DMKN: variants seen among roughly 807,000 people sequenced by gnomAD.
DMKN encodes the protein dermokine.
In DMKN, 58 loss-of-function variants were observed where a neutral mutation model predicts 67.6. The ratio of observed to expected loss-of-function variants is 0.86; its 90% CI spans 0.69 to 1.07. The LOEUF is 1.07. Ranked by LOEUF, DMKN falls within the 50% of genes least tolerant of loss-of-function variation. The pLI is 0.00. For synonymous variants in DMKN, 240 were observed against 232.3 expected, an observed-to-expected ratio of 1.03 and a Z score of -0.30; for missense variants, 596 against 601.5, an observed-to-expected ratio of 0.99 and a Z score of 0.10.
In DMKN at chr19:35,511,510, G is replaced by GCTGCTGCCACTGCTGCTGCCA. The variant is rs1555800284; in HGVS notation, c.818_819insTGGCAGCAGCAGTGGCAGCAG (p.Ser273_Ser274insGlySerSerSerGlySerSer). The GCTGCTGCCACTGCTGCTGCCA allele has an allele frequency of 5.5e-6, 6 of 1,098,052 alleles. No homozygotes were observed. The African/African-American group carries it at 5.6e-5, about 10-fold the overall frequency. 68.0% of individuals were successfully genotyped at this position (1,098,052 alleles called of 1,614,324 possible). A position where few individuals can be genotyped will look rare whatever the true frequency, so the allele number is the denominator to read the frequency against. On this transcript the variant is annotated inframe_insertion, in exon 5 of 16. Transcript: ENST00000339686. Reference sequence around the variant, plus strand: ...TGCTGCCGCCACTGCTGCTGCCACTGCTGCTGCCACCACTGCTGCTGCCAT... The same window carrying GCTGCTGCCACTGCTGCTGCCA: ...TGCTGCCGCCACTGCTGCTGCCACTGCTGCTGCCACTGCTGCTGCCACTGCTGCCACCACTGCTGCTGCCAT...
At chr19:35,504,134 C>G (rs1349799373) in intron 9 of DMKN, among the ~76,000 whole-genome samples, 1 of 152,130 alleles carries the variant, frequency 6.6e-6, no homozygotes, top group Non-Finnish European at 1.5e-5. Flanking sequence ...TGCGATCACT[C>G]CCTCGACTGC....
intron 13 of DMKN, among the ~76,000 whole-genome samples, chr19:35,499,665 A>G (rs937447572): frequency 3.9e-5 from 6 of 151,984 alleles, no homozygotes; most frequent in Admixed American, 6.5e-5. Context: ...TTTAAAGCCT[A>G]TATTCTTCTT....
rs149055199 is a variant in DMKN, at chr19:35,504,503, A to G, written c.1134+1215T>C. On this transcript the variant is annotated intron_variant, in intron 9 of 15. Transcript: ENST00000339686. ...GAGGCAGGAGAATCATTTTGAACCC[A>G]GGAGGCAGAGGCTGCATTGAGCTGA... 7.9e-4 allele frequency among the ~76,000 whole-genome samples: 119 copies of G among 149,732 alleles called. 3 individuals carry two copies. In the East Asian group the frequency reaches 0.023, roughly 29 times the overall value.
chr19:35,507,416 A>C, intron 7 of DMKN: 1 of 1,526,836 alleles, frequency 6.5e-7, no homozygotes, highest in Non-Finnish European at 8.9e-7. Context: ...ATGCTTCACC[A>C]TCCCTTCTCC....
At chr19:35,510,093 G>A (rs1439349004) in intron 6 of DMKN, 91 bp downstream of exon 6, 2 of 1,564,574 alleles carry the variant, frequency 1.3e-6, no homozygotes, top group Admixed American at 1.8e-5. Context: ...CCCCATCTCC[G>A]CGGAGCCTTG....
chr19:35,498,993 G>A, intron 13 of DMKN, 96 bp from the exon 14 acceptor site: 1 of 1,576,320 alleles, frequency 6.3e-7, no homozygotes, highest in Non-Finnish European at 8.7e-7. Context: ...GCAAGGGCAG[G>A]CTCACACCAG....
intron 15 of DMKN, 134 bp downstream of exon 15, chr19:35,498,582 C>T (rs943647343): frequency 2.1e-5 from 26 of 1,239,672 alleles, no homozygotes; most frequent in African/African-American, 1.1e-4. Context: ...CTTTAGAGCA[C>T]GCACCCAGAG....
At chr19:35,506,167 C>T (rs1444494317) in intron 7 of DMKN, 181 bp from the exon 8 acceptor site, 1 of 1,533,732 alleles carries the variant, frequency 6.5e-7, no homozygotes. Flanking sequence ...CCTCCACTGC[C>T]CCAGCTCGAC....
At chr19:35,507,622 C>T in intron 7 of DMKN, 2 of 910,302 alleles carry the variant, frequency 2.2e-6, no homozygotes, top group Non-Finnish European at 3.5e-6. Context: ...GGGACTGAGA[C>T]ATGAGCATGA....
At chr19:35,510,140 T>C in intron 6 of DMKN, 44 bp downstream of exon 6, 3 of 1,579,668 alleles carry the variant, frequency 1.9e-6, no homozygotes, top group Non-Finnish European at 2.6e-6. Context: ...GCTGCTCTCC[T>C]TTTCCTTCCC....
Position 35,512,433 on chromosome 19 carries a change from G to A in DMKN, c.672C>T (p.Asn224=). The A allele has an allele frequency of 6.2e-7, 1 of 1,614,062 alleles. No individual in the cohort carries two copies. ...QPGYGSVRAS[N]QNEGCTNPPP... ...CCCTTCCTCTTACCCCTTCATTCTG[G>A]TTGCTGGCTCTCACTGAACCATAGC... The change falls in exon 3 of 16, where the codon AAC becomes AAT. Residue 224 remains asparagine, a synonymous_variant. Coordinates refer to ENST00000339686, the MANE Select transcript of DMKN (RefSeq NM_033317.5).
At chr19:35,505,498 GT>G (rs1454171524) in intron 9 of DMKN, among the ~76,000 whole-genome samples, 1 of 152,130 alleles carries the variant, frequency 6.6e-6, no homozygotes, top group African/African-American at 2.4e-5. Flanking sequence ...AAAGAAGCCC[GT>G]CCCCTCTGCT....
rs142808313 is a variant in DMKN, at chr19:35,512,115, C to T, written c.685-302G>A. On this transcript the variant is annotated intron_variant, in intron 3 of 15. Transcript: ENST00000339686. Reference sequence around the variant, plus strand: ...CAGGTTCAAGTGATTCTCCTGCCTCCGCCTCCCAAGTGGCTGCAATTACAG... The same window carrying T: ...CAGGTTCAAGTGATTCTCCTGCCTCTGCCTCCCAAGTGGCTGCAATTACAG... 1.1e-3 allele frequency among the ~76,000 whole-genome samples: 160 copies of T among 151,822 alleles called. 1 individual carries two copies. The highest frequency in any genetic ancestry group is 2.8e-3 in the African/African-American group (115 of 41,364).
Position 35,511,467 on chromosome 19 carries a change from CA to C in DMKN, c.861del (p.Gly288AlafsTer89), listed in dbSNP as rs748159982. On this transcript the variant is annotated frameshift_variant, in exon 5 of 16. Coordinates refer to ENST00000339686, the MANE Select transcript of DMKN (RefSeq NM_033317.5). LOFTEE classifies it high-confidence loss of function. ...SSGGSSGGSS[G>X]GSSGNSGGSR... Reference sequence around the variant, plus strand: ...CTGCCACCACTGTTGCCACTGCTGCCACCACTGCTGCCGCCACTGCTGCCGC... The same window carrying C: ...CTGCCACCACTGTTGCCACTGCTGCCCCACTGCTGCCGCCACTGCTGCCGC... The C allele has an allele frequency of 1.3e-5, 14 of 1,073,578 alleles. No individual in the cohort carries two copies. In the Admixed American group the frequency reaches 3.9e-4, roughly 30 times the overall value. 66.5% of individuals were successfully genotyped at this position (1,073,578 alleles called of 1,614,324 possible). A position where few individuals can be genotyped will look rare whatever the true frequency, so the allele number is the denominator to read the frequency against.
chr19:35,511,010 T>C (rs75264675), intron 5 of DMKN, among the ~76,000 whole-genome samples: 2,390 of 152,230 alleles, frequency 0.016, 27 homozygotes, highest in Non-Finnish European at 0.023. Flanking sequence ...GTCTCCCGGA[T>C]CACAGTCCTG....
At chr19:35,512,973 T>A in intron 1 of DMKN, 77 bp downstream of exon 1, 3 of 1,583,156 alleles carry the variant, frequency 1.9e-6, no homozygotes, top group Non-Finnish European at 2.6e-6. Context: ...CCATCCATCC[T>A]TTCAACCGTT....
At chr19:35,500,961 T>C (rs2068250318) in intron 11 of DMKN, among the ~76,000 whole-genome samples, 2 of 152,192 alleles carry the variant, frequency 1.3e-5, no homozygotes, top group Non-Finnish European at 2.9e-5. Context: ...CCTTAGTCCC[T>C]GCACACCGAC....
At chr19:35,508,787 T>C (rs2070114783) in intron 7 of DMKN, among the ~76,000 whole-genome samples, 2 of 152,026 alleles carry the variant, frequency 1.3e-5, no homozygotes, top group African/African-American at 4.8e-5. Context: ...CCAGTTAAAC[T>C]GAAAAAGTGA....
intron 13 of DMKN, chr19:35,499,140 G>T (rs895695041): frequency 3.4e-6 from 2 of 588,980 alleles, no homozygotes; most frequent in Non-Finnish European, 5.9e-6. Context: ...TGACCAAGGG[G>T]GTCAAAAGAG....
Sources: allele counts gnomAD v4.1 joint callset (sites outside exome capture counted in the v4.1 genomes callset), GRCh38; gene constraint gnomAD v4.1.1; transcripts MANE v1.5; gene names NCBI Gene and HGNC (gene_info 2026-07-23, HGNC 2026-07-21).